PCDHA7: variants seen among roughly 807,000 people sequenced by gnomAD.
PCDHA7 encodes protocadherin alpha 7.
A neutral mutation model predicts 57.2 loss-of-function variants in PCDHA7; 37 were observed. The observed-to-expected ratio is 0.65, with a 90% CI of 0.50 to 0.85. PCDHA7 has a LOEUF of 0.85. PCDHA7 is among the 40% of genes least tolerant of loss of function. The probability of loss-of-function intolerance (pLI) is 0.00; values close to 1 mark genes in which losing one functional copy is unlikely to be tolerated. For synonymous variants in PCDHA7, 553 were observed against 558.8 expected (o/e 0.99, Z 0.15); for missense variants, 1,188 against 1,241.8 (o/e 0.96, Z 0.65).
At chr5:140,993,358 A>G (rs1197499617) in intron 3 of PCDHA7, among the ~76,000 whole-genome samples, 7 of 151,988 alleles carry the variant, frequency 4.6e-5, no homozygotes, top group Admixed American at 4.6e-4. Context: ...AGATCCTCAC[A>G]AAAACTACCT....
At chr5:140,875,647 C>T (rs1554167823) in intron 1 of PCDHA7, 1 of 1,613,694 alleles carries the variant, frequency 6.2e-7, no homozygotes, top group Non-Finnish European at 8.5e-7. Context: ...GCTGGCGGAG[C>T]TGGTGCCGCG....
At chr5:140,881,393 A>T (rs1216651655) in intron 1 of PCDHA7, 1 of 979,528 alleles carries the variant, frequency 1.0e-6, no homozygotes, top group African/African-American at 1.8e-5. Context: ...GGTAAGTTAA[A>T]TTCTATTAAA....
rs28619398 is a variant in PCDHA7 at position 140,895,037 on chromosome 5, C to T, written c.2355+58299C>T. 4.7e-3 allele frequency among the ~76,000 whole-genome samples: 720 copies of T among 152,250 alleles called. 7 individuals are homozygous for T. The highest frequency in any genetic ancestry group is 0.016 in the African/African-American group (670 of 41,558). ...TTTTCCTTTGTTTAATTGTCCCCCA[C>T]CCACACCATTCTGCTTCATATGGAC... is the stretch of plus-strand genomic sequence containing the variant. On this transcript the variant is annotated intron_variant, in intron 1 of 3. Transcript: ENST00000525929.
chr5:140,875,452 C>CA, intron 1 of PCDHA7: 1 of 1,592,570 alleles, frequency 6.3e-7, no homozygotes, highest in Non-Finnish European at 8.6e-7. Context: ...TGTCCCAACT[C>CA]AGAGGCCCTC....
intron 3 of PCDHA7, among the ~76,000 whole-genome samples, chr5:140,994,578 A>C (rs1563601392): frequency 6.6e-6 from 1 of 151,958 alleles, no homozygotes; most frequent in Non-Finnish European, 1.5e-5. Context: ...GGTGGCATGC[A>C]CTTGTAGTCT....
chr5:140,843,635 T>C (rs1554140305), intron 1 of PCDHA7: 2 of 1,595,882 alleles, frequency 1.3e-6, no homozygotes, highest in Non-Finnish European at 1.7e-6. Flanking sequence ...CCTCATGGCC[T>C]TCAGCCCCTG....
chr5:140,995,237 T>G (rs1242320046), intron 3 of PCDHA7, among the ~76,000 whole-genome samples: 1 of 152,148 alleles, frequency 6.6e-6, no homozygotes, highest in African/African-American at 2.4e-5. Context: ...GGGCCAGTAT[T>G]AAGTAAAATA....
At position 140,858,057 on chromosome 5, in the gene PCDHA7, A is replaced by G. The variant is rs781982906; in HGVS notation, c.2355+21319A>G. On this transcript the variant is annotated intron_variant, in intron 1 of 3. Coordinates refer to ENST00000525929, the MANE Select transcript of PCDHA7 (RefSeq NM_018910.3). ...GCCACTGTGCTTGTGTCGCTTGTGG[A>G]GGGCAGCCAGGCACCCAAGGCCTCG... 1.9e-6 allele frequency: 3 copies of G among 1,597,162 alleles called. No homozygotes were observed. In the South Asian group the frequency reaches 3.3e-5, roughly 18 times the overall value.
chr5:140,954,046 G>T (rs1554221229), intron 1 of PCDHA7, among the ~76,000 whole-genome samples: 1 of 152,124 alleles, frequency 6.6e-6, no homozygotes, highest in East Asian at 1.9e-4. Context: ...TTGGTTTTCT[G>T]TTCCTGCATT....
At chr5:140,959,506 A>G (rs1554224114) in intron 1 of PCDHA7, among the ~76,000 whole-genome samples, 6 of 152,226 alleles carry the variant, frequency 3.9e-5, no homozygotes. Flanking sequence ...AAACTAAAAA[A>G]TTTTAAGATC....
rs184817309 is a variant in PCDHA7, at chr5:140,876,910, T to G, written c.2355+40172T>G. On this transcript the variant is annotated intron_variant, in intron 1 of 3. Coordinates refer to ENST00000525929, the MANE Select transcript of PCDHA7 (RefSeq NM_018910.3). The stretch of plus-strand genomic sequence containing the variant: ...CTGCCACATCTTCACGGTGTCGGCA[T>G]GGGACGCGGACGCGCAGAAGAACGC... 1.1e-5 allele frequency: 18 copies of G among 1,613,860 alleles called. No homozygotes were observed. The South Asian group carries it at 1.4e-4, about 13-fold the overall frequency.
intron 1 of PCDHA7, among the ~76,000 whole-genome samples, chr5:140,952,816 C>T (rs2094802630): frequency 6.6e-6 from 1 of 152,134 alleles, no homozygotes; most frequent in South Asian, 2.1e-4. Context: ...GCAGGCTGTA[C>T]AGGAAGCATG....
chr5:140,994,772 G>C (rs2097648880), intron 3 of PCDHA7, among the ~76,000 whole-genome samples: 2 of 152,118 alleles, frequency 1.3e-5, no homozygotes, highest in Non-Finnish European at 1.5e-5. Context: ...GAGAATTCCA[G>C]GCAAAGGAAA....
intron 1 of PCDHA7, among the ~76,000 whole-genome samples, chr5:140,888,270 GT>G (rs2061763105): frequency 6.6e-6 from 1 of 152,102 alleles, no homozygotes; most frequent in Non-Finnish European, 1.5e-5. Context: ...ATAAGAAACA[GT>G]TTTGTCCCCT....
At position 140,843,576 on chromosome 5, in the gene PCDHA7, A is replaced by G; in HGVS notation, c.2355+6838A>G. The G allele has an allele frequency of 1.9e-6, 3 of 1,595,922 alleles. 1 individual carries two copies. Among genetic ancestry groups the G allele is most frequent in the Non-Finnish European group, 2.6e-6 (3 of 1,165,492 alleles). On this transcript the variant is annotated intron_variant, in intron 1 of 3. Coordinates refer to ENST00000525929, the MANE Select transcript of PCDHA7 (RefSeq NM_018910.3). Reference sequence around the variant, plus strand: ...GCGGTGGGGAGCTGGTCATACTCGCAACAACAGCCGCAGAGGGTGTGCTCT... The same window carrying G: ...GCGGTGGGGAGCTGGTCATACTCGCGACAACAGCCGCAGAGGGTGTGCTCT...
chr5:140,875,651 T>A lies in PCDHA7; in HGVS notation c.2355+38913T>A, dbSNP rs782085221. The A allele has an allele frequency of 5.1e-5, 83 of 1,613,604 alleles. 1 individual carries two copies. The South Asian group carries it at 8.5e-4, about 16-fold the overall frequency. On this transcript the variant is annotated intron_variant, in intron 1 of 3. Coordinates refer to ENST00000525929, the MANE Select transcript of PCDHA7 (RefSeq NM_018910.3). Reference sequence around the variant, plus strand: ...CTGGGGCTGGAGCTGGCGGAGCTGGTGCCGCGCCTGTTCCGGGTGGCGTCC... The same window carrying A: ...CTGGGGCTGGAGCTGGCGGAGCTGGAGCCGCGCCTGTTCCGGGTGGCGTCC...
intron 1 of PCDHA7, chr5:140,870,673 C>T (rs1554164562): frequency 1.9e-6 from 3 of 1,612,666 alleles, no homozygotes; most frequent in Non-Finnish European, 1.7e-6. Context: ...GCCGTTGGAC[C>T]ACGAGGAGCT....
At chr5:140,892,641 T>G (rs2063609688) in intron 1 of PCDHA7, among the ~76,000 whole-genome samples, 1 of 152,226 alleles carries the variant, frequency 6.6e-6, no homozygotes. Flanking sequence ...TTGTACATAT[T>G]TATAGGATAC....
Position 140,927,865 on chromosome 5 carries a change from A to G in PCDHA7, c.2356-51084A>G, listed in dbSNP as rs576160357. 6.8e-6 allele frequency: 11 copies of G among 1,614,110 alleles called. No homozygotes were observed. In the Admixed American group the frequency reaches 1.3e-4, roughly 20 times the overall value. On this transcript the variant is annotated intron_variant, in intron 1 of 3. Transcript: ENST00000525929. Reference sequence around the variant, plus strand: ...TGTCTTTGGTTTAGCTAGCACCGCTAAACTGCTGGTGGAGGTGACTGACGT... The same window carrying G: ...TGTCTTTGGTTTAGCTAGCACCGCTGAACTGCTGGTGGAGGTGACTGACGT...
Sources: gnomAD v4.1 joint callset for allele counts (sites outside exome capture counted in the v4.1 genomes callset) on GRCh38, gnomAD v4.1.1 for gene constraint, MANE v1.5 for transcripts, NCBI Gene and HGNC (gene_info 2026-07-23, HGNC 2026-07-21) for gene names.